ZFPM1: variants seen among roughly 807,000 people sequenced by gnomAD.
ZFPM1 encodes zinc finger protein ZFPM1.
ZFPM1 carries 28 observed loss-of-function variants against 46.3 expected under a neutral mutation model. The observed-to-expected ratio is 0.60, with a 90% CI of 0.45 to 0.83. ZFPM1 has a LOEUF of 0.83. Ranked by LOEUF, ZFPM1 falls within the 40% of genes least tolerant of loss-of-function variation. The pLI is 0.00. For synonymous variants in ZFPM1, 957 were observed against 675.9 expected, an observed-to-expected ratio of 1.42 and a Z score of -6.45; for missense variants, 1,878 against 1,432.4, an observed-to-expected ratio of 1.31 and a Z score of -5.02.
intron 5 of ZFPM1, among the ~76,000 whole-genome samples, chr16:88,527,537 G>C (rs1424399428): frequency 6.6e-6 from 1 of 152,148 alleles, no homozygotes; most frequent in African/African-American, 2.4e-5. Flanking sequence ...GCCGGCTCAG[G>C]CCTGAGGGCG....
rs766879597 is a variant in ZFPM1, at chr16:88,534,061, C to G, written c.2103C>G (p.His701Gln). The stretch of plus-strand genomic sequence containing the variant: ...GCCGCCACGAGACCTACACCGTGCA[C>G]AAGCGGTACTACTGCGCCTCGCGCC... The part of the protein sequence containing the change: ...RFSRHETYTV[H>Q]KRYYCASRHD... The change falls in exon 10 of 10, where the codon CAC becomes CAG. Residue 701 changes from histidine to glutamine, a missense_variant. By Grantham distance (24) the His-to-Gln change is conservative. Transcript: ENST00000319555. 1 of 1,311,352 alleles carries G rather than the reference C, an allele frequency of 7.6e-7. No homozygotes were observed. Among genetic ancestry groups the G allele is most frequent in the South Asian group, 1.3e-5 (1 of 78,196 alleles). The allele number at this position is 1,311,352 out of a possible 1,614,324, so 81.2% of individuals were successfully genotyped here.
chr16:88,514,884 G>C (rs1911199059), intron 4 of ZFPM1, among the ~76,000 whole-genome samples: 1 of 152,210 alleles, frequency 6.6e-6, no homozygotes, highest in Admixed American at 6.5e-5. Context: ...TGCTACAGCA[G>C]AGAGCGAGAG....
At chr16:88,486,735 C>T (rs997825364) in intron 2 of ZFPM1, among the ~76,000 whole-genome samples, 13 of 144,756 alleles carry the variant, frequency 9.0e-5, no homozygotes, top group African/African-American at 3.5e-4. Context: ...ATGCTGGGTG[C>T]ACAGCGGATG....
chr16:88,472,061 C>T (rs1908448910), intron 1 of ZFPM1, among the ~76,000 whole-genome samples: 1 of 152,222 alleles, frequency 6.6e-6, no homozygotes, highest in South Asian at 2.1e-4. Flanking sequence ...GGACAGGTCA[C>T]CTCAGCTGGG....
chr16:88,499,935 C>T (rs1415143022), intron 3 of ZFPM1, among the ~76,000 whole-genome samples: 2 of 152,344 alleles, frequency 1.3e-5, no homozygotes, highest in East Asian at 1.9e-4. Flanking sequence ...ATGAGGAGCG[C>T]AGCCGGAGCC....
At chr16:88,506,502 G>A (rs1910667632) in intron 3 of ZFPM1, among the ~76,000 whole-genome samples, 1 of 152,024 alleles carries the variant, frequency 6.6e-6, no homozygotes, top group South Asian at 2.1e-4. Context: ...GACTGAATGG[G>A]GGCGGGCGGG....
Position 88,489,163 on chromosome 16 carries a change from CG to C in ZFPM1, c.268+13del. The C allele has an allele frequency of 6.3e-7, 1 of 1,589,114 alleles. No individual in the cohort carries two copies. Among genetic ancestry groups the C allele is most frequent in the South Asian group, 1.1e-5 (1 of 88,694 alleles). On this transcript the variant is annotated intron_variant, in intron 3 of 9. Coordinates refer to ENST00000319555, the MANE Select transcript of ZFPM1 (RefSeq NM_153813.3). ...CCCTGGAGCGGGCCAGGTAACCACGCGGGTGGTGGGGGCAGCAGCATCGCCT... is the reference window on the plus strand; with the variant it reads ...CCCTGGAGCGGGCCAGGTAACCACGCGGTGGTGGGGGCAGCAGCATCGCCT...
intron 4 of ZFPM1, among the ~76,000 whole-genome samples, chr16:88,526,191 C>G (rs931833964): frequency 1.3e-5 from 2 of 152,188 alleles, no homozygotes; most frequent in African/African-American, 4.8e-5. Flanking sequence ...GTGCCGGCCC[C>G]GGGAGCGAGC....
chr16:88,526,444 G>T (rs74844817), intron 4 of ZFPM1, among the ~76,000 whole-genome samples: 5,258 of 129,142 alleles, frequency 0.041, 115 homozygotes, highest in Middle Eastern at 0.09. Flanking sequence ...GGCGAGCAGT[G>T]GGGAGAACAC....
intron 3 of ZFPM1, among the ~76,000 whole-genome samples, chr16:88,508,395 T>C (rs1488972491): frequency 1.3e-5 from 2 of 152,160 alleles, no homozygotes; most frequent in African/African-American, 4.8e-5. Flanking sequence ...CTTGGGAGGA[T>C]CACATGTGAA....
In ZFPM1 at chr16:88,471,133, C is replaced by T. The variant is rs988944245; in HGVS notation, c.41-14806C>T. Among the ~76,000 whole-genome samples, 1 of 152,212 alleles carries T rather than the reference C, an allele frequency of 6.6e-6. No individual in the cohort carries two copies. Among genetic ancestry groups the T allele is most frequent in the African/African-American group, 2.4e-5 (1 of 41,458 alleles). On this transcript the variant is annotated intron_variant, in intron 1 of 9. Coordinates refer to ENST00000319555, the MANE Select transcript of ZFPM1 (RefSeq NM_153813.3). This position sits in a 1 kb window ranked among gnomAD's most constrained non-coding sequence, Gnocchi z 4.1. ...CCGGGAGGAGGAAAGCCCAGCTCCC[C>T]TGCAGCCATGATAGATAGACCAGAC...
In ZFPM1 at chr16:88,480,599, C is replaced by T. The variant is rs546302873; in HGVS notation, c.41-5340C>T. ...TCCCAAGAGAGGCCAGCATAGGCGC[C>T]TGTGTCCCCTGCAGGCACCCACTGG... On this transcript the variant is annotated intron_variant, in intron 1 of 9. Transcript: ENST00000319555. The surrounding 1 kb of genome is among the most constrained non-coding windows in gnomAD (Gnocchi z 4.9). Among the ~76,000 whole-genome samples the T allele has an allele frequency of 9.8e-5, 15 of 152,382 alleles. No homozygotes were observed. Among genetic ancestry groups the T allele is most frequent in the Non-Finnish European group, 2.1e-4 (14 of 68,030 alleles).
intron 3 of ZFPM1, among the ~76,000 whole-genome samples, chr16:88,504,458 G>C (rs1172531697): frequency 3.3e-5 from 5 of 152,076 alleles, no homozygotes; most frequent in African/African-American, 9.7e-5. Context: ...CAGGACCCAG[G>C]GTGTTTAGCC....
chr16:88,511,277 G>A (rs1910945172), intron 3 of ZFPM1, among the ~76,000 whole-genome samples: 2 of 152,108 alleles, frequency 1.3e-5, no homozygotes, highest in African/African-American at 4.8e-5. Context: ...ACAGGGTTTT[G>A]TGGCGGGACA....
chr16:88,491,420 G>A (rs778287983), intron 3 of ZFPM1, among the ~76,000 whole-genome samples: 1 of 152,228 alleles, frequency 6.6e-6, no homozygotes, highest in Non-Finnish European at 1.5e-5. Flanking sequence ...AAGAGGGGCC[G>A]AGATGGTGAC....
At chr16:88,532,745 C>G (rs775652044) in intron 8 of ZFPM1, 36 bp downstream of exon 8, 1 of 1,612,480 alleles carries the variant, frequency 6.2e-7, no homozygotes, top group African/African-American at 1.3e-5. Context: ...GTGTGGGTCC[C>G]GCCTCCCCGC....
chr16:88,528,630 G>C (rs4782518), intron 6 of ZFPM1, among the ~76,000 whole-genome samples: 125,161 of 152,104 alleles, frequency 0.82, 53,081 homozygotes, highest in Non-Finnish European at 0.92. Context: ...CAGTGGAGGT[G>C]TCCCTGGACA....
chr16:88,462,624 C>T (rs183673525), intron 1 of ZFPM1, among the ~76,000 whole-genome samples: 205 of 152,316 alleles, frequency 1.3e-3, no homozygotes, highest in African/African-American at 4.7e-3. Context: ...CGCGGGCTTC[C>T]GGGTTGTTCC....
At chr16:88,498,126 C>T (rs1188622804) in intron 3 of ZFPM1, among the ~76,000 whole-genome samples, 1 of 152,154 alleles carries the variant, frequency 6.6e-6, no homozygotes, top group African/African-American at 2.4e-5. Flanking sequence ...CTCCAGAGAC[C>T]AGACCCAGTG....
Sources: gnomAD v4.1 joint callset for allele counts (sites outside exome capture counted in the v4.1 genomes callset) on GRCh38, gnomAD v4.1.1 for gene constraint, Gnocchi (gnomAD v3.1) non-coding constraint, MANE v1.5 for transcripts, NCBI Gene and HGNC (gene_info 2026-07-23, HGNC 2026-07-21) for gene names.